Variants in CNTLN observed in about 807,000 individuals in gnomAD.
CNTLN encodes centlein, centrosomal protein.
A neutral mutation model predicts 180.0 loss-of-function variants in CNTLN; 212 were observed. That is an observed-to-expected ratio of 1.18 (90% CI 1.05 to 1.32). The LOEUF (loss-of-function observed/expected upper bound fraction) is 1.32. Ranked by LOEUF, CNTLN falls within the 40% of genes most tolerant of loss-of-function variation. The probability of loss-of-function intolerance (pLI) is 0.00; values close to 1 mark genes in which losing one functional copy is unlikely to be tolerated. For synonymous variants in CNTLN, 722 were observed against 563.1 expected (o/e 1.28, Z -3.99); for missense variants, 2,095 against 1,610.9 (o/e 1.30, Z -5.14).
rs532971704 is a variant in CNTLN at position 17,466,406 on chromosome 9, C to T, written c.3669+288C>T. ...AGTAGATCTAAATTTTGTAGGCCCA[C>T]TTAAACTTTCAAACTAAATGTTTCC... On this transcript the variant is annotated intron_variant, in intron 22 of 25. Transcript: ENST00000380647. 2.6e-5 allele frequency among the ~76,000 whole-genome samples: 4 copies of T among 151,530 alleles called. No homozygotes were observed. The East Asian group carries it at 7.7e-4, about 29-fold the overall frequency.
chr9:17,502,617 GA>G lies in CNTLN; in HGVS notation c.4188del (p.Gly1397AspfsTer6). 1 of 1,385,550 alleles carries G rather than the reference GA, an allele frequency of 7.2e-7. No individual in the cohort carries two copies. The highest frequency in any genetic ancestry group is 9.9e-7 in the Non-Finnish European group (1 of 1,009,738). The allele number at this position is 1,385,550 out of a possible 1,614,324, so 85.8% of individuals were successfully genotyped here. A position where few individuals can be genotyped will look rare whatever the true frequency, so the allele number is the denominator to read the frequency against. ...EKINEKKKLV[E>X]GYFTIMKDIR ...AATAAATGAAAAAAAGAAACTAGTT[GA>G]AGGATATTTCACAATTATGAAAGAT... On this transcript the variant is annotated frameshift_variant, in exon 26 of 26. Transcript: ENST00000380647. LOFTEE classifies it high-confidence loss of function.
intron 2 of CNTLN, among the ~76,000 whole-genome samples, chr9:17,181,899 A>ATCCTT (rs1821146981): frequency 6.6e-6 from 1 of 152,124 alleles, no homozygotes; most frequent in African/African-American, 2.4e-5. Context: ...GGAGGAAGGG[A>ATCCTT]GCCTTGTTAT....
the CNTLN span, among the ~76,000 whole-genome samples, chr9:17,509,813 T>G: frequency 6.6e-6 from 1 of 152,198 alleles, no homozygotes; most frequent in African/African-American, 2.4e-5. Context: ...TATGCTTTCC[T>G]ATCCTAGAGG....
At chr9:17,256,983 T>A (rs1339298880) in intron 5 of CNTLN, among the ~76,000 whole-genome samples, 3 of 151,972 alleles carry the variant, frequency 2.0e-5, no homozygotes, top group Non-Finnish European at 4.4e-5. Context: ...ACATTTTTTT[T>A]TTATTATTAT....
intron 5 of CNTLN, among the ~76,000 whole-genome samples, chr9:17,240,258 C>T (rs1251472322): frequency 2.0e-5 from 3 of 152,040 alleles, no homozygotes; most frequent in Admixed American, 6.5e-5. Context: ...TCAGATCATT[C>T]ATTCATAATG....
At chr9:17,276,983 G>A (rs554919752) in intron 6 of CNTLN, among the ~76,000 whole-genome samples, 60 of 151,960 alleles carry the variant, frequency 3.9e-4, no homozygotes, top group Non-Finnish European at 7.7e-4. Context: ...TCTGTATAGA[G>A]CATATGAATA....
chr9:17,176,735 C>T (rs1820741191), intron 2 of CNTLN, among the ~76,000 whole-genome samples: 1 of 152,146 alleles, frequency 6.6e-6, no homozygotes, highest in Non-Finnish European at 1.5e-5. Flanking sequence ...CTGGGAGTTT[C>T]CAAATTGCCA....
At chr9:17,141,192 G>A (rs990462355) in intron 1 of CNTLN, among the ~76,000 whole-genome samples, 2 of 152,152 alleles carry the variant, frequency 1.3e-5, no homozygotes, top group Admixed American at 6.5e-5. Context: ...TAACTAAAAA[G>A]AGAGAATGGA....
At chr9:17,169,216 C>T (rs369614524) in intron 2 of CNTLN, among the ~76,000 whole-genome samples, 2 of 152,064 alleles carry the variant, frequency 1.3e-5, no homozygotes, top group East Asian at 3.9e-4. Flanking sequence ...CCAGGCTGTT[C>T]TTGAACTCCT....
intron 2 of CNTLN, among the ~76,000 whole-genome samples, chr9:17,156,199 A>G (rs1395272168): frequency 6.6e-6 from 1 of 152,208 alleles, no homozygotes; most frequent in Non-Finnish European, 1.5e-5. Flanking sequence ...CAGTAGTGCC[A>G]CAATTATTGA....
At chr9:17,185,353 C>G (rs1458307838) in intron 2 of CNTLN, among the ~76,000 whole-genome samples, 5 of 152,162 alleles carry the variant, frequency 3.3e-5, no homozygotes, top group Admixed American at 2.0e-4. Context: ...TGGCTCCAAA[C>G]AAACATGACA....
At chr9:17,276,652 G>C (rs1828329906) in intron 6 of CNTLN, among the ~76,000 whole-genome samples, 1 of 151,986 alleles carries the variant, frequency 6.6e-6, no homozygotes, top group East Asian at 1.9e-4. Context: ...TGGTATCTGT[G>C]GGGGATTGGT....
intron 18 of CNTLN, among the ~76,000 whole-genome samples, chr9:17,444,035 G>A (rs1346838945): frequency 1.3e-5 from 2 of 152,324 alleles, no homozygotes; most frequent in South Asian, 2.1e-4. Flanking sequence ...TAACAAGACT[G>A]TCTTGATAGC....
At chr9:17,391,508 A>G (rs1337644700) in intron 14 of CNTLN, among the ~76,000 whole-genome samples, 1 of 152,154 alleles carries the variant, frequency 6.6e-6, no homozygotes, top group Non-Finnish European at 1.5e-5. Context: ...CCAAAGTGAC[A>G]TACTTTGGTG....
chr9:17,160,176 AT>A (rs1403862006), intron 2 of CNTLN, among the ~76,000 whole-genome samples: 11 of 152,110 alleles, frequency 7.2e-5, no homozygotes, highest in African/African-American at 2.7e-4. Context: ...TTTATCTGAA[AT>A]GTAAAAAATG....
intron 5 of CNTLN, among the ~76,000 whole-genome samples, 197 bp from the exon 6 acceptor site, chr9:17,273,536 T>A (rs1244491453): frequency 6.6e-6 from 1 of 152,178 alleles, no homozygotes; most frequent in Non-Finnish European, 1.5e-5. Flanking sequence ...CAAGAGGCCA[T>A]GATGTTTTTA....
chr9:17,259,851 T>C (rs1298481228), intron 5 of CNTLN, among the ~76,000 whole-genome samples: 2 of 138,684 alleles, frequency 1.4e-5, no homozygotes, highest in African/African-American at 3.0e-5. Context: ...TTGCATCTAT[T>C]TGATTCTTCT....
At chr9:17,161,498 C>T (rs1819674938) in intron 2 of CNTLN, among the ~76,000 whole-genome samples, 1 of 152,034 alleles carries the variant, frequency 6.6e-6, no homozygotes, top group South Asian at 2.1e-4. Flanking sequence ...CATGGAGTTT[C>T]ATAGAAATAT....
At chr9:17,193,877 G>A (rs934428242) in intron 2 of CNTLN, among the ~76,000 whole-genome samples, 3 of 152,182 alleles carry the variant, frequency 2.0e-5, no homozygotes, top group Non-Finnish European at 2.9e-5. Context: ...AGGTGTTTCC[G>A]TACATCTTCT....
Sources: allele counts gnomAD v4.1 joint callset (sites outside exome capture counted in the v4.1 genomes callset), GRCh38; gene constraint gnomAD v4.1.1; transcripts MANE v1.5; gene names NCBI Gene and HGNC (gene_info 2026-07-23, HGNC 2026-07-21).